The following BPIFB1 variants were observed in gnomAD, a reference collection of about 807,000 sequenced individuals.
The protein encoded by BPIFB1 is BPI fold-containing family B member 1.
BPIFB1 carries 34 observed loss-of-function variants against 55.1 expected under a neutral mutation model. The ratio of observed to expected loss-of-function variants is 0.62; its 90% CI spans 0.47 to 0.82. The LOEUF is 0.82. Ranked by LOEUF, BPIFB1 falls within the 40% of genes least tolerant of loss-of-function variation. The pLI is 0.00. For missense variants in BPIFB1, 532 were observed against 593.1 expected (o/e 0.90, Z 1.07); for synonymous variants, 236 against 245.3 (o/e 0.96, Z 0.35).
intron 5 of BPIFB1, 134 bp downstream of exon 5, chr20:33,291,240 G>A (rs1980463065): frequency 8.6e-7 from 1 of 1,160,882 alleles, no homozygotes; most frequent in East Asian, 2.6e-5. Flanking sequence ...CCTGATTCCT[G>A]ATCTGGGGCT....
intron 2 of BPIFB1, among the ~76,000 whole-genome samples, chr20:33,288,052 C>T (rs1230576176): frequency 6.6e-6 from 1 of 152,212 alleles, no homozygotes; most frequent in Non-Finnish European, 1.5e-5. Flanking sequence ...CAATGAGGGA[C>T]ACACATCTGA....
intron 14 of BPIFB1, 114 bp downstream of exon 14, chr20:33,306,179 G>C: frequency 8.6e-7 from 1 of 1,165,038 alleles, no homozygotes; most frequent in Non-Finnish European, 1.3e-6. Context: ...ATCCCTCAGA[G>C]CCTACTTCAA....
rs779222797 is a variant in BPIFB1 at position 33,288,913 on chromosome 20, G to GC, written c.257+35dup. 20 of 1,597,290 alleles carry GC rather than the reference G, an allele frequency of 1.3e-5. No individual in the cohort carries two copies. In the Admixed American group the frequency reaches 1.4e-4, roughly 11 times the overall value. On this transcript the variant is annotated intron_variant, in intron 3 of 15. Transcript: ENST00000253354. ...TGGAGCAGGACCACACCAGGAGCTAGCCCCTTCCCACACCTTTGCCCGGGA... is the reference window on the plus strand; with the variant it reads ...TGGAGCAGGACCACACCAGGAGCTAGCCCCCTTCCCACACCTTTGCCCGGGA...
intron 13 of BPIFB1, among the ~76,000 whole-genome samples, chr20:33,305,647 A>G (rs1452532141): frequency 6.6e-6 from 1 of 152,124 alleles, no homozygotes; most frequent in Non-Finnish European, 1.5e-5. Flanking sequence ...AGAGTTCCAC[A>G]TGCAAATCAG....
intron 13 of BPIFB1, among the ~76,000 whole-genome samples, chr20:33,305,791 T>A (rs1668578815): frequency 6.6e-6 from 1 of 151,944 alleles, no homozygotes; most frequent in Non-Finnish European, 1.5e-5. Context: ...AATCCCCCCA[T>A]CTACCAGGCC....
In BPIFB1 at chr20:33,299,439, T is replaced by C. The variant is rs189847660; in HGVS notation, c.662-460T>C. ...AGCTTCCTTGAGATCCAGGTGCTCA[T>C]AGGGTGTCCAGACCCAGAACCACCT... On this transcript the variant is annotated intron_variant, in intron 7 of 15. Transcript: ENST00000253354. Among the ~76,000 whole-genome samples the C allele has an allele frequency of 2.0e-3, 312 of 152,316 alleles. 1 individual carries two copies. The highest frequency in any genetic ancestry group is 6.4e-3 in the African/African-American group (266 of 41,572).
intron 8 of BPIFB1, 67 bp downstream of exon 8, chr20:33,300,051 A>G (rs1980797098): frequency 7.3e-7 from 1 of 1,373,416 alleles, no homozygotes; most frequent in Non-Finnish European, 1.0e-6. Context: ...ACCAGGAGTC[A>G]GATAGCATGG....
chr20:33,292,392 G>T (rs1980503752), intron 6 of BPIFB1, among the ~76,000 whole-genome samples: 1 of 152,154 alleles, frequency 6.6e-6, no homozygotes, highest in Admixed American at 6.5e-5. Context: ...GCACACGATT[G>T]TATATTTCCA....
chr20:33,288,734 C>A lies in BPIFB1; in HGVS notation c.116-7C>A. The A allele has an allele frequency of 6.2e-7, 1 of 1,612,734 alleles. No individual in the cohort carries two copies. The highest frequency in any genetic ancestry group is 8.5e-7 in the Non-Finnish European group (1 of 1,179,456). On this transcript the variant is annotated splice_polypyrimidine_tract_variant and splice_region_variant and intron_variant, in intron 2 of 15. Transcript: ENST00000253354. ...CCTGGGCCCTAATCCCTGGGGTCTG[C>A]CTCCAGAGCTGACACAGGAGCTGAA...
At chr20:33,295,255 G>A (rs1202597233) in intron 6 of BPIFB1, among the ~76,000 whole-genome samples, 1 of 151,476 alleles carries the variant, frequency 6.6e-6, no homozygotes, top group Non-Finnish European at 1.5e-5. Context: ...AATAAAATGG[G>A]GATGATGGAA....
At position 33,309,620 on chromosome 20, in the gene BPIFB1, A is replaced by C; in HGVS notation, c.1396-88A>C. ...AGGGTCATGGTCCCCCGGTGCCAGCAGTCACCTTATGGAGGACAAAACCAG... is the reference window on the plus strand; with the variant it reads ...AGGGTCATGGTCCCCCGGTGCCAGCCGTCACCTTATGGAGGACAAAACCAG... On this transcript the variant is annotated intron_variant, in intron 15 of 15. Coordinates refer to ENST00000253354, the MANE Select transcript of BPIFB1 (RefSeq NM_033197.3). This position sits in a 1 kb window ranked among gnomAD's most constrained non-coding sequence, Gnocchi z 4.4. 5 of 1,272,696 alleles carry C rather than the reference A, an allele frequency of 3.9e-6. No individual in the cohort carries two copies. The highest frequency in any genetic ancestry group is 5.7e-6 in the Non-Finnish European group (5 of 872,540). 78.8% of individuals were successfully genotyped at this position (1,272,696 alleles called of 1,614,324 possible). A position where few individuals can be genotyped will look rare whatever the true frequency, so the allele number is the denominator to read the frequency against.
intron 13 of BPIFB1, among the ~76,000 whole-genome samples, chr20:33,305,558 C>A (rs1232667185): frequency 6.6e-6 from 1 of 152,112 alleles, no homozygotes; most frequent in Non-Finnish European, 1.5e-5. Context: ...ACCTCATGAT[C>A]TGCCCGCCTT....
At position 33,302,962 on chromosome 20, in the gene BPIFB1, A is replaced by G; in HGVS notation, c.1028A>G (p.Gln343Arg). The change falls in exon 11 of 16, where the codon CAG (glutamine) becomes CGG (arginine). Residue 343 changes from glutamine to arginine, a missense_variant. Coordinates refer to ENST00000253354, the MANE Select transcript of BPIFB1 (RefSeq NM_033197.3). ...ACCCAGATCGTGAAGATCCTAACTC[A>G]GGACACTCCCGAGTTTTTTATAGAC... is the stretch of plus-strand genomic sequence containing the variant. ...GSTQIVKILT[Q>R]DTPEFFIDQG... 6.2e-7 allele frequency: 1 copy of G among 1,614,106 alleles called. No individual in the cohort carries two copies. Among genetic ancestry groups the G allele is most frequent in the Admixed American group, 1.7e-5 (1 of 60,018 alleles).
intron 6 of BPIFB1, among the ~76,000 whole-genome samples, chr20:33,293,887 T>C (rs139575335): frequency 2.6e-4 from 39 of 152,312 alleles, no homozygotes; most frequent in Middle Eastern, 3.4e-3. Context: ...ACAATGTGAT[T>C]CTTATTAAGA....
At chr20:33,291,156 G>A (rs754701384) in intron 5 of BPIFB1, 50 bp downstream of exon 5, 47 of 1,591,764 alleles carry the variant, frequency 3.0e-5, no homozygotes, top group Middle Eastern at 1.7e-4. Context: ...TGGAAGGAAC[G>A]CCAGGCAGTG....
intron 6 of BPIFB1, among the ~76,000 whole-genome samples, chr20:33,292,714 C>T (rs1286642382): frequency 6.6e-6 from 1 of 152,164 alleles, no homozygotes; most frequent in Non-Finnish European, 1.5e-5. Flanking sequence ...TTTTCTGCGT[C>T]AGTAAACACA....
chr20:33,306,748 GGCTGGGTCAAT>G lies in BPIFB1; in HGVS notation c.1319-156_1319-146del, dbSNP rs1981039952. 33 of 651,210 alleles carry G rather than the reference GGCTGGGTCAAT, an allele frequency of 5.1e-5. No individual in the cohort carries two copies. The South Asian group carries it at 5.9e-4, about 12-fold the overall frequency. 40.3% of individuals were successfully genotyped at this position (651,210 alleles called of 1,614,324 possible). Reference sequence around the variant, plus strand: ...CCAGAGGCAAAGGGAGGGTAGACGAGGCTGGGTCAATGCTGGGGCCAGAGAACAGGCGAGCA... The same window carrying G: ...CCAGAGGCAAAGGGAGGGTAGACGAGGCTGGGGCCAGAGAACAGGCGAGCA... On this transcript the variant is annotated intron_variant, in intron 14 of 15. Coordinates refer to ENST00000253354, the MANE Select transcript of BPIFB1 (RefSeq NM_033197.3).
At chr20:33,293,325 T>C (rs1980533401) in intron 6 of BPIFB1, among the ~76,000 whole-genome samples, 1 of 152,218 alleles carries the variant, frequency 6.6e-6, no homozygotes. Flanking sequence ...CTTTTGCAGA[T>C]TGCCTTCCCA....
rs1382026351 is a variant in BPIFB1, at chr20:33,306,940, T to C, written c.1348T>C (p.Leu450=). The C allele has an allele frequency of 1.9e-6, 3 of 1,614,182 alleles. No homozygotes were observed. The highest frequency in any genetic ancestry group is 4.5e-5 in the East Asian group (2 of 44,880). Residue 450 remains leucine (L), a synonymous_variant, in exon 15 of 16, where the codon TTG becomes CTG. Transcript: ENST00000253354. ...GKLRSGVPVS[L]VKALGFEAAE... is the part of the protein sequence containing the mutation. ...ATTAAGATCTGGGGTCCCAGTGTCA[T>C]TGGTGAAGGCCTTGGGATTCGAGGC...
Sources: allele counts gnomAD v4.1 joint callset (sites outside exome capture counted in the v4.1 genomes callset), GRCh38; gene constraint gnomAD v4.1.1; non-coding constraint Gnocchi (gnomAD v3.1); transcripts MANE v1.5; gene names NCBI Gene and HGNC (gene_info 2026-07-23, HGNC 2026-07-21).